The following MTRF1L variants were observed in gnomAD, a reference collection of about 807,000 sequenced individuals.
MTRF1L encodes the protein peptide chain release factor 1-like, mitochondrial.
MTRF1L carries 29 observed loss-of-function variants against 40.0 expected under a neutral mutation model. The observed-to-expected ratio is 0.73, with a 90% CI of 0.54 to 0.99. The LOEUF is 0.99. Among genes scored for constraint, MTRF1L ranks in the 50% least tolerant of loss-of-function variants. The pLI, the probability that MTRF1L is intolerant of heterozygous loss-of-function variation, is 0.00. For synonymous variants in MTRF1L, 150 were observed against 175.8 expected (o/e 0.85, Z 1.16); for missense variants, 412 against 464.5 (o/e 0.89, Z 1.04).
chr6:152,995,400 T>C (rs1778683433), intron 2 of MTRF1L, 81 bp from the exon 3 acceptor site: 5 of 1,254,548 alleles, frequency 4.0e-6, no homozygotes, highest in Non-Finnish European at 5.4e-6. Flanking sequence ...GATTCAGGAA[T>C]TTTAAATATT....
chr6:152,992,237 T>C (rs1778548168), intron 5 of MTRF1L, among the ~76,000 whole-genome samples: 2 of 152,256 alleles, frequency 1.3e-5, no homozygotes, highest in South Asian at 2.1e-4. Flanking sequence ...AGATTTGCTA[T>C]CCCTATGCTC....
Position 152,998,595 on chromosome 6 carries a change from A to C in MTRF1L, c.294T>G (p.Asn98Lys). 1 of 1,597,818 alleles carries C rather than the reference A, an allele frequency of 6.3e-7. No homozygotes were observed. The highest frequency in any genetic ancestry group is 8.5e-7 in the Non-Finnish European group (1 of 1,174,220). ...TTTCTTTTTGACACAAAGTGATTTCATTCTCTGCAAGTTTCCTTAAATCTT... is the reference window on the plus strand; with the variant it reads ...TTTCTTTTTGACACAAAGTGATTTCCTTCTCTGCAAGTTTCCTTAAATCTT... ...ENEDLRKLAE[N>K]EITLCQKEIT... Residue 98 changes from asparagine to lysine, a missense_variant, in exon 2 of 7, where the codon AAT becomes AAG. Coordinates refer to ENST00000367233, the MANE Select transcript of MTRF1L (RefSeq NM_019041.7).
chr6:153,002,500 G>C lies in MTRF1L; in HGVS notation c.186C>G (p.Pro62=), dbSNP rs760194799. ...GCAGTTTGATCACCGCCAGCAACTC[G>C]GGCCTCCTGACCTTCAAATGGGCTT... ...GSEAHLKVRR[P]ELLAVIKLLN... is the part of the protein sequence containing the mutation. The change falls in exon 1 of 7, where the codon CCC becomes CCG. Residue 62 remains proline, a synonymous_variant. Coordinates refer to ENST00000367233, the MANE Select transcript of MTRF1L (RefSeq NM_019041.7). The C allele has an allele frequency of 2.5e-6, 4 of 1,613,198 alleles. No individual in the cohort carries two copies. The highest frequency in any genetic ancestry group is 2.2e-5 in the East Asian group (1 of 44,846).
chr6:152,990,923 T>A (rs1431387585), intron 6 of MTRF1L, among the ~76,000 whole-genome samples: 2 of 152,162 alleles, frequency 1.3e-5, no homozygotes, highest in African/African-American at 4.8e-5. Flanking sequence ...TAATTAAAAT[T>A]TCAAAGGATT....
intron 5 of MTRF1L, among the ~76,000 whole-genome samples, chr6:152,991,712 A>G (rs1046453238): frequency 6.6e-6 from 1 of 151,864 alleles, no homozygotes; most frequent in Admixed American, 6.6e-5. Flanking sequence ...ACGCCCGGCT[A>G]ATTTTTTTTT....
Position 152,994,575 on chromosome 6 carries a change from C to G in MTRF1L, c.625G>C (p.Glu209Gln). Residue 209 changes from glutamate (E) to glutamine (Q), a missense_variant, in exon 4 of 7, where the codon GAA becomes CAA. Coordinates refer to ENST00000367233, the MANE Select transcript of MTRF1L (RefSeq NM_019041.7). ...VHRVQRVPKT[E>Q]KQGRVHTSTM... is the part of the protein sequence containing the mutation. ...CTAGTATGGACGCGGCCTTGCTTTT[C>G]TGTCTTTGGCACTCTTTGTACTCTG... 1 of 1,613,108 alleles carries G rather than the reference C, an allele frequency of 6.2e-7. No homozygotes were observed. Among genetic ancestry groups the G allele is most frequent in the Non-Finnish European group, 8.5e-7 (1 of 1,180,000 alleles).
Position 152,996,455 on chromosome 6 carries a change from C to T in MTRF1L, c.340-1136G>A, listed in dbSNP as rs544144869. Among the ~76,000 whole-genome samples the T allele has an allele frequency of 5.3e-5, 8 of 152,244 alleles. No individual in the cohort carries two copies. The East Asian group carries it at 9.7e-4, about 18-fold the overall frequency. On this transcript the variant is annotated intron_variant, in intron 2 of 6. Transcript: ENST00000367233. ...TTTAATTTAGAAAATGGGTAAAATG[C>T]GAGCTATACTACACTTTTCACCTTA...
intron 3 of MTRF1L, 80 bp downstream of exon 3, chr6:152,995,056 T>TA: frequency 8.0e-7 from 1 of 1,255,076 alleles, no homozygotes; most frequent in South Asian, 1.6e-5. Context: ...TCCTCACAGA[T>TA]AAGTTCTAAA....
chr6:152,989,900 C>G lies in MTRF1L; in HGVS notation c.1138G>C (p.Val380Leu). 1.2e-6 allele frequency: 2 copies of G among 1,610,058 alleles called. No individual in the cohort carries two copies. The highest frequency in any genetic ancestry group is 1.7e-6 in the Non-Finnish European group (2 of 1,178,856). The stretch of plus-strand genomic sequence containing the variant: ...TCTATAAATAACAAATCAACTTAAA[C>G]TTTTTGGGAAATAATTTCTACTAAA... ...ESLVEIISQKV is the reference protein window; with the variant it reads ...ESLVEIISQKL Residue 380 changes from valine to leucine, a missense_variant, in exon 7 of 7, where the codon GTT becomes CTT. Transcript: ENST00000367233.
intron 4 of MTRF1L, 143 bp from the exon 5 acceptor site, chr6:152,993,117 G>A: frequency 3.1e-6 from 2 of 647,808 alleles, no homozygotes; most frequent in Non-Finnish European, 5.3e-6. Flanking sequence ...GTAGCTAGAA[G>A]GATACCATTT....
chr6:152,990,701 A>G (rs1044104674), intron 6 of MTRF1L, among the ~76,000 whole-genome samples: 3 of 152,088 alleles, frequency 2.0e-5, no homozygotes, highest in Non-Finnish European at 4.4e-5. Flanking sequence ...GCAGGCGCCT[A>G]TAATCCCAGC....
chr6:152,998,672 G>T, intron 1 of MTRF1L, 43 bp from the exon 2 acceptor site: 1 of 1,359,724 alleles, frequency 7.4e-7, no homozygotes, highest in Non-Finnish European at 1.0e-6. Flanking sequence ...CTTAATTAGT[G>T]TTAAATTGCT....
chr6:152,992,288 C>T (rs909395210), intron 5 of MTRF1L, among the ~76,000 whole-genome samples: 1 of 152,142 alleles, frequency 6.6e-6, no homozygotes, highest in Non-Finnish European at 1.5e-5. Context: ...CTGTGAAAGA[C>T]GTTTAGTTCG....
intron 5 of MTRF1L, among the ~76,000 whole-genome samples, chr6:152,992,441 G>A (rs1433024284): frequency 6.6e-6 from 1 of 152,142 alleles, no homozygotes; most frequent in South Asian, 2.1e-4. Flanking sequence ...TGAGTAGGAG[G>A]TCCAATGCTT....
intron 1 of MTRF1L, among the ~76,000 whole-genome samples, chr6:153,001,590 A>ATTAACAG (rs778083152): frequency 4.6e-5 from 7 of 152,186 alleles, no homozygotes; most frequent in Non-Finnish European, 7.4e-5. Context: ...TTTCATCTTA[A>ATTAACAG]TTAACAGTAC....
chr6:152,991,501 A>G, intron 5 of MTRF1L, 180 bp from the exon 6 acceptor site: 1 of 673,190 alleles, frequency 1.5e-6, no homozygotes, highest in Non-Finnish European at 2.2e-6. Context: ...CAGAAAACTG[A>G]AAATTTAAGT....
intron 1 of MTRF1L, among the ~76,000 whole-genome samples, chr6:153,001,917 T>C (rs938671175): frequency 1.3e-5 from 2 of 152,244 alleles, no homozygotes; most frequent in African/African-American, 4.8e-5. Flanking sequence ...TCCAAATTCT[T>C]TGTCTTGCAA....
Position 153,002,657 on chromosome 6 carries a change from G to T in MTRF1L, c.29C>A (p.Ala10Asp). 1 of 1,504,642 alleles carries T rather than the reference G, an allele frequency of 6.6e-7. No individual in the cohort carries two copies. The highest frequency in any genetic ancestry group is 8.8e-7 in the Non-Finnish European group (1 of 1,130,992). The allele number at this position is 1,504,642 out of a possible 1,614,324, so 93.2% of individuals were successfully genotyped here. MRSRVLWGA[A>D]RWLWPRRAVG... ...GGCCCGGCGGGGCCAGAGCCACCGG[G>T]CAGCGCCCCACAGAACCCGGGACCG... Residue 10 changes from alanine to aspartate, a missense_variant, in exon 1 of 7, where the codon GCC becomes GAC. By Grantham distance (126) the Ala-to-Asp change is moderately radical (BLOSUM62 -2). Coordinates refer to ENST00000367233, the MANE Select transcript of MTRF1L (RefSeq NM_019041.7).
rs552731560 is a variant in MTRF1L, at chr6:152,989,797, A to C, written c.*98T>G. 1 of 1,375,452 alleles carries C rather than the reference A, an allele frequency of 7.3e-7. No homozygotes were observed. Among genetic ancestry groups the C allele is most frequent in the Non-Finnish European group, 9.7e-7 (1 of 1,033,144 alleles). The allele number at this position is 1,375,452 out of a possible 1,614,324, so 85.2% of individuals were successfully genotyped here. A position where few individuals can be genotyped will look rare whatever the true frequency, so the allele number is the denominator to read the frequency against. ...TATGCATATTACCTCCAACTGTGTT[A>C]ACTCAACGTTTTTCAAGAGAGTAAG... On this transcript the variant is annotated 3_prime_UTR_variant, in exon 7 of 7. Coordinates refer to ENST00000367233, the MANE Select transcript of MTRF1L (RefSeq NM_019041.7).
Sources: allele counts gnomAD v4.1 joint callset (sites outside exome capture counted in the v4.1 genomes callset), GRCh38; gene constraint gnomAD v4.1.1; transcripts MANE v1.5; gene names NCBI Gene and HGNC (gene_info 2026-07-23, HGNC 2026-07-21).